Variants in TOM1L1 observed in about 807,000 individuals in gnomAD.
TOM1L1 encodes target of myb1 like 1 membrane trafficking protein.
Under a neutral mutation model 63.4 loss-of-function variants are expected in TOM1L1, and 64 were observed. That is an observed-to-expected ratio of 1.01 (90% CI 0.83 to 1.24). The LOEUF is 1.24. Among genes scored for constraint, TOM1L1 ranks in the 50% most tolerant of loss-of-function variants. The probability of loss-of-function intolerance (pLI) is 0.00; values close to 1 mark genes in which losing one functional copy is unlikely to be tolerated. For synonymous variants in TOM1L1, 166 were observed against 194.4 expected (o/e 0.85, Z 1.22); for missense variants, 536 against 567.0 (o/e 0.95, Z 0.55).
At chr17:54,926,737 A>G (rs2048775703) in intron 7 of TOM1L1, among the ~76,000 whole-genome samples, 1 of 152,214 alleles carries the variant, frequency 6.6e-6, no homozygotes, top group Non-Finnish European at 1.5e-5. Context: ...TATTAAGAGT[A>G]GAAAGGACTG....
At chr17:54,922,467 G>C (rs1286268911) in intron 7 of TOM1L1, among the ~76,000 whole-genome samples, 2 of 152,112 alleles carry the variant, frequency 1.3e-5, no homozygotes. Flanking sequence ...GCCAGGCATG[G>C]TGGTACATGC....
At chr17:54,947,227 A>T (rs766760768) in intron 11 of TOM1L1, 34 bp from the exon 12 acceptor site, 1 of 1,609,134 alleles carries the variant, frequency 6.2e-7, no homozygotes, top group African/African-American at 1.3e-5. Flanking sequence ...TTCTCACTGT[A>T]GGGTAATCAT....
intron 14 of TOM1L1, among the ~76,000 whole-genome samples, chr17:54,950,601 T>A (rs1469971130): frequency 6.6e-6 from 1 of 152,204 alleles, no homozygotes; most frequent in African/African-American, 2.4e-5. Flanking sequence ...TTTTATGATT[T>A]CATATTGGTC....
rs1364298080 is a variant in TOM1L1 at position 54,930,211 on chromosome 17, G to A, written c.854+5G>A. On this transcript the variant is annotated splice_donor_5th_base_variant and intron_variant, in intron 8 of 15. Coordinates refer to ENST00000575882, the MANE Select transcript of TOM1L1 (RefSeq NM_005486.3). ...TGCTATCCTTGGATATGAGAGGTGAGCAGATCATGTACCCTCTTTACCCCT... is the reference window on the plus strand; with the variant it reads ...TGCTATCCTTGGATATGAGAGGTGAACAGATCATGTACCCTCTTTACCCCT... 1 of 1,613,870 alleles carries A rather than the reference G, an allele frequency of 6.2e-7. No individual in the cohort carries two copies. Among genetic ancestry groups the A allele is most frequent in the Non-Finnish European group, 8.5e-7 (1 of 1,179,952 alleles).
chr17:54,932,764 C>G lies in TOM1L1; in HGVS notation c.854+2558C>G, dbSNP rs532147624. 2.0e-5 allele frequency among the ~76,000 whole-genome samples: 3 copies of G among 152,282 alleles called. No individual in the cohort carries two copies. In the East Asian group the frequency reaches 5.8e-4, roughly 29 times the overall value. On this transcript the variant is annotated intron_variant, in intron 8 of 15. Transcript: ENST00000575882. The stretch of plus-strand genomic sequence containing the variant: ...GCACTGAAGAAACTCACAATTGTTA[C>G]TCTTGTTTTCTGTGGAACAAATTTT...
intron 7 of TOM1L1, among the ~76,000 whole-genome samples, chr17:54,929,565 T>G (rs1311239792): frequency 2.6e-5 from 4 of 152,176 alleles, no homozygotes; most frequent in African/African-American, 9.7e-5. Flanking sequence ...GTAAATGTAT[T>G]TTAACTACTT....
chr17:54,956,705 A>C (rs2049523373), intron 14 of TOM1L1: 1 of 152,286 alleles, frequency 6.6e-6, no homozygotes, highest in Admixed American at 6.5e-5. Flanking sequence ...TCAGCCTTCC[A>C]AAGTGCTGGG....
intron 14 of TOM1L1, among the ~76,000 whole-genome samples, chr17:54,958,987 TGAA>T (rs564467424): frequency 8.7e-4 from 133 of 152,228 alleles, no homozygotes; most frequent in African/African-American, 3.0e-3. Flanking sequence ...ACAATACAAA[TGAA>T]GATAAACTTG....
intron 10 of TOM1L1, among the ~76,000 whole-genome samples, chr17:54,938,207 C>CT (rs2048980645): frequency 6.6e-6 from 1 of 152,004 alleles, no homozygotes; most frequent in Non-Finnish European, 1.5e-5. Flanking sequence ...AGATTATGGC[C>CT]TGGAGGCCAG....
At chr17:54,929,107 C>T (rs1180096868) in intron 7 of TOM1L1, among the ~76,000 whole-genome samples, 1 of 152,140 alleles carries the variant, frequency 6.6e-6, no homozygotes, top group Non-Finnish European at 1.5e-5. Context: ...AGCAGCATCC[C>T]TGTGTTTTGC....
chr17:54,904,588 G>T (rs1342610273), intron 2 of TOM1L1, among the ~76,000 whole-genome samples: 1 of 152,076 alleles, frequency 6.6e-6, no homozygotes, highest in African/African-American at 2.4e-5. Context: ...TTTTCCTTCT[G>T]AATGTCAACT....
intron 14 of TOM1L1, chr17:54,956,722 G>C (rs552215413): frequency 6.6e-6 from 1 of 152,190 alleles, no homozygotes; most frequent in East Asian, 1.9e-4. Context: ...TGGGATTATA[G>C]GCATGAGCCA....
chr17:54,949,416 C>CA (rs1468008039), intron 12 of TOM1L1, 102 bp from the exon 13 acceptor site: 3 of 831,592 alleles, frequency 3.6e-6, no homozygotes, highest in Non-Finnish European at 5.8e-6. Context: ...TTGTCCAGTT[C>CA]AAAGTTCTTG....
chr17:54,943,977 C>CAAAT (rs923797881), intron 11 of TOM1L1, among the ~76,000 whole-genome samples: 33 of 146,694 alleles, frequency 2.2e-4, no homozygotes, highest in Admixed American at 8.9e-4. Context: ...GACTCTGTCT[C>CAAAT]AAATAAATAA....
At chr17:54,933,183 C>G (rs1402620674) in intron 8 of TOM1L1, among the ~76,000 whole-genome samples, 2 of 152,224 alleles carry the variant, frequency 1.3e-5, no homozygotes, top group Non-Finnish European at 2.9e-5. Context: ...GCTTTTGCAA[C>G]AGCTAGAGGC....
In TOM1L1 at chr17:54,961,858, C is replaced by G. The variant is rs2077132721; in HGVS notation, c.*625C>G. ...GTAATGCTAAATAGCCTTTTTTTCT[C>G]TTTTTACTGCAACTTAATATTTCTA... On this transcript the variant is annotated 3_prime_UTR_variant, in exon 16 of 16. Transcript: ENST00000575882. 2 of 954,342 alleles carry G rather than the reference C, an allele frequency of 2.1e-6. No homozygotes were observed. The highest frequency in any genetic ancestry group is 2.5e-6 in the Non-Finnish European group (2 of 801,840). The allele number at this position is 954,342 out of a possible 1,614,324, so 59.1% of individuals were successfully genotyped here.
intron 11 of TOM1L1, among the ~76,000 whole-genome samples, 175 bp downstream of exon 11, chr17:54,939,195 A>G (rs2143907942): frequency 6.6e-6 from 1 of 152,336 alleles, no homozygotes; most frequent in South Asian, 2.1e-4. Context: ...GCAACATGGC[A>G]AAACCTCATC....
chr17:54,940,816 G>GA (rs879429821), intron 11 of TOM1L1, among the ~76,000 whole-genome samples: 5 of 152,146 alleles, frequency 3.3e-5, no homozygotes, highest in Non-Finnish European at 7.4e-5. Context: ...GAAAAAGAGT[G>GA]AAAGAGTGGT....
chr17:54,927,091 G>A (rs1219005150), intron 7 of TOM1L1, among the ~76,000 whole-genome samples: 1 of 152,210 alleles, frequency 6.6e-6, no homozygotes, highest in Non-Finnish European at 1.5e-5. Flanking sequence ...TTTGTCATTT[G>A]ACTGAAGCCT....
Sources: gnomAD v4.1 joint callset for allele counts (sites outside exome capture counted in the v4.1 genomes callset) on GRCh38, gnomAD v4.1.1 for gene constraint, MANE v1.5 for transcripts, NCBI Gene and HGNC (gene_info 2026-07-23, HGNC 2026-07-21) for gene names.